The following NBPF11 variants were observed in gnomAD, a reference collection of about 807,000 sequenced individuals.
NBPF11 encodes the protein NBPF member 11, also known as NBPF family member NBPF11.
NBPF11 carries 72 observed loss-of-function variants against 93.9 expected under a neutral mutation model. The observed-to-expected ratio is 0.77, with a 90% CI of 0.63 to 0.93. The LOEUF is 0.93. Among genes scored for constraint, NBPF11 ranks in the 40% least tolerant of loss-of-function variants. The pLI is 0.00. For synonymous variants in NBPF11, 224 were observed against 304.9 expected (o/e 0.73, Z 2.76); for missense variants, 705 against 802.2 (o/e 0.88, Z 1.46).
intron 23 of NBPF11, 84 bp downstream of exon 23, chr1:148,104,453 A>T (rs1231903860): frequency 5.8e-5 from 35 of 604,180 alleles, no homozygotes; most frequent in Non-Finnish European, 7.5e-5. Flanking sequence ...TGAAAACATG[A>T]CATCAAACAC....
At chr1:148,128,037 G>A (rs1298249413) in intron 4 of NBPF11, among the ~76,000 whole-genome samples, 5 of 149,286 alleles carry the variant, frequency 3.3e-5, no homozygotes, top group South Asian at 4.2e-4. Flanking sequence ...TTTTGGCCAA[G>A]TAATATCCTA....
At chr1:148,108,231 A>T (rs1402003936) in intron 18 of NBPF11, among the ~76,000 whole-genome samples, 1 of 151,490 alleles carries the variant, frequency 6.6e-6, no homozygotes, top group African/African-American at 2.4e-5. Flanking sequence ...ATCTGCCCAG[A>T]TCCAACATCT....
Position 148,108,593 on chromosome 1 carries a change from A to G in NBPF11, c.1915T>C (p.Cys639Arg), listed in dbSNP as rs782301420. 3.8e-6 allele frequency: 6 copies of G among 1,561,066 alleles called. No homozygotes were observed. The African/African-American group carries it at 4.1e-5, about 11-fold the overall frequency. ...AGATAAACTGAAGGAGTTGAATAAC[A>G]TCTATCCAGTGAGTCCTGCAAGACT... ...PEVLQDSLDR[C>R]YSTPSVYLGL... Residue 639 changes from cysteine (C) to arginine (R), a missense_variant, in exon 18 of 24, where the codon TGT becomes CGT. Cys to Arg is a radical substitution (Grantham distance 180). This residue lies in a region of NBPF11 where 97 missense variants were observed against 65.0 expected (regional missense o/e 1.49). Coordinates refer to ENST00000682118, the MANE Select transcript of NBPF11 (RefSeq NM_001385469.3).
intron 4 of NBPF11, among the ~76,000 whole-genome samples, chr1:148,133,967 A>C (rs1670852559): frequency 6.6e-6 from 1 of 151,682 alleles, no homozygotes; most frequent in Admixed American, 6.6e-5. Flanking sequence ...CTGCCTCTCA[A>C]GGAAATCCCT....
At chr1:148,111,858 C>T (rs1665359956) in intron 15 of NBPF11, among the ~76,000 whole-genome samples, 1 of 150,920 alleles carries the variant, frequency 6.6e-6, no homozygotes, top group Non-Finnish European at 1.5e-5. Flanking sequence ...ACTTCCCCAA[C>T]CTAGCAAGGA....
chr1:148,142,105 G>A (rs1672289445), intron 2 of NBPF11, among the ~76,000 whole-genome samples: 1 of 149,290 alleles, frequency 6.7e-6, no homozygotes, highest in Admixed American at 6.7e-5. Context: ...AGGGAAGGAG[G>A]GAGGGAAAGA....
chr1:148,146,686 C>A, intron 1 of NBPF11: 4 of 1,611,858 alleles, frequency 2.5e-6, no homozygotes. Flanking sequence ...CCGCGGCAAC[C>A]GTGTCTCCTG....
intron 1 of NBPF11, chr1:148,149,603 G>A (rs1481034153): frequency 5.7e-6 from 9 of 1,582,660 alleles, no homozygotes; most frequent in South Asian, 3.3e-5. Context: ...GCAATAAGGC[G>A]GCCCCCGGAC....
intron 9 of NBPF11, among the ~76,000 whole-genome samples, chr1:148,121,365 T>TTTTTTTTTG (rs1208452574): frequency 2.1e-5 from 3 of 145,464 alleles, no homozygotes; most frequent in Admixed American, 6.9e-5. Flanking sequence ...TTTTTTTTTT[T>TTTTTTTTTG]GAGATGCAGT....
At position 148,151,786 on chromosome 1, in the gene NBPF11, A is replaced by T. The variant is rs1648431174; in HGVS notation, c.-585T>A. ...TGGGTGGACTTCGCAGTAAACTTGA[A>T]CTTCCCATCCAGGCTGCAGCCGTGC... On this transcript the variant is annotated 5_prime_UTR_variant, in exon 1 of 24. Transcript: ENST00000682118. The T allele has an allele frequency of 6.6e-6, 1 of 152,002 alleles. No homozygotes were observed. Among genetic ancestry groups the T allele is most frequent in the Admixed American group, 6.5e-5 (1 of 15,268 alleles). The allele number at this position is 152,002 out of a possible 1,614,324, so 9.4% of individuals were successfully genotyped here.
In NBPF11 at chr1:148,102,434, T is replaced by C. The variant is rs1309434793; in HGVS notation, c.*1462A>G. ...CCCAAGTACTTCATTATAAGTAAGG[T>C]GTCTCTAAAAGGGACAGATCTCCTA... On this transcript the variant is annotated 3_prime_UTR_variant, in exon 24 of 24. Coordinates refer to ENST00000682118, the MANE Select transcript of NBPF11 (RefSeq NM_001385469.3). 6.6e-6 allele frequency: 1 copy of C among 151,832 alleles called. No individual in the cohort carries two copies. Among genetic ancestry groups the C allele is most frequent in the African/African-American group, 2.4e-5 (1 of 41,150 alleles). The allele number at this position is 151,832 out of a possible 1,614,324, so 9.4% of individuals were successfully genotyped here. A position where few individuals can be genotyped will look rare whatever the true frequency, so the allele number is the denominator to read the frequency against.
At position 148,121,494 on chromosome 1, in the gene NBPF11, C is replaced by T. The variant is rs1357055966; in HGVS notation, c.778+561G>A. Among the ~76,000 whole-genome samples, 87 of 151,248 alleles carry T rather than the reference C, an allele frequency of 5.8e-4. 1 individual carries two copies. Among genetic ancestry groups the T allele is most frequent in the African/African-American group, 2.0e-3 (82 of 40,958 alleles). ...TCCTGAGTAGCTGGGACTACAGGCG[C>T]CCACCACCGCGCCCAGCTAATTTCT... On this transcript the variant is annotated intron_variant, in intron 9 of 23. Transcript: ENST00000682118.
chr1:148,104,066 G>C (rs1264763136), intron 23 of NBPF11, among the ~76,000 whole-genome samples, 154 bp from the exon 24 acceptor site: 2 of 150,556 alleles, frequency 1.3e-5, no homozygotes, highest in African/African-American at 4.9e-5. Context: ...TGTTGGGATA[G>C]AACAGGGCCA....
intron 21 of NBPF11, among the ~76,000 whole-genome samples, chr1:148,105,749 C>A (rs1341276272): frequency 1.2e-5 from 1 of 86,792 alleles, no homozygotes; most frequent in Non-Finnish European, 2.0e-5. Context: ...CACACACAAA[C>A]ACACACACAA....
intron 1 of NBPF11, chr1:148,146,337 GC>G: frequency 7.0e-7 from 1 of 1,420,716 alleles, no homozygotes; most frequent in Non-Finnish European, 9.1e-7. Flanking sequence ...GCCGGGCCAG[GC>G]CGGGCGGCGT....
At chr1:148,105,279 T>C in intron 22 of NBPF11, 81 bp downstream of exon 22, 1 of 689,162 alleles carries the variant, frequency 1.5e-6, no homozygotes, top group African/African-American at 2.0e-5. Context: ...CTCAGCTCAG[T>C]AATGGCCACT....
chr1:148,122,862 C>A, intron 7 of NBPF11, 61 bp from the exon 8 acceptor site: 4 of 1,607,332 alleles, frequency 2.5e-6, no homozygotes, highest in Non-Finnish European at 3.4e-6. Context: ...GCACAGTCAG[C>A]CCAACGTGCA....
intron 21 of NBPF11, among the ~76,000 whole-genome samples, chr1:148,105,763 C>A (rs1467801541): frequency 2.3e-5 from 2 of 87,092 alleles, no homozygotes; most frequent in African/African-American, 1.9e-4. Context: ...CACACAAAGA[C>A]ACACACACAC....
At chr1:148,147,011 G>A (rs2149308909) in intron 1 of NBPF11, 8 of 1,333,100 alleles carry the variant, frequency 6.0e-6, no homozygotes, top group African/African-American at 2.9e-5. Context: ...TGGGAGGAAG[G>A]TGGGCGGCCC....
Sources: allele counts gnomAD v4.1 joint callset (sites outside exome capture counted in the v4.1 genomes callset), GRCh38; gene constraint gnomAD v4.1.1; regional missense constraint gnomAD v4.1.1; transcripts MANE v1.5; gene names NCBI Gene and HGNC (gene_info 2026-07-23, HGNC 2026-07-21).